AFG2A: variants seen among roughly 807,000 people sequenced by gnomAD.
AFG2A encodes AAA ATPase AFG2A, also known as ATPase family gene 2 protein homolog A.
the AFG2A span, among the ~76,000 whole-genome samples, chr4:123,022,372 A>G: frequency 6.6e-6 from 1 of 151,944 alleles, no homozygotes; most frequent in African/African-American, 2.4e-5. Context: ...AAAGTGGGCA[A>G]AGGATATGAA....
At chr4:123,086,687 GT>G in the AFG2A span, among the ~76,000 whole-genome samples, 4 of 149,718 alleles carry the variant, frequency 2.7e-5, no homozygotes, top group African/African-American at 7.3e-5. Flanking sequence ...GTTCTGTGTG[GT>G]TTTATTATTT....
At chr4:123,123,951 C>CAAAAA in the AFG2A span, among the ~76,000 whole-genome samples, 16 of 35,766 alleles carry the variant, frequency 4.5e-4, no homozygotes, top group African/African-American at 9.0e-4. Context: ...AACTCCGTCT[C>CAAAAA]AAAAAAAAAA....
chr4:122,962,797 T>C, the AFG2A span, among the ~76,000 whole-genome samples: 23 of 152,210 alleles, frequency 1.5e-4, no homozygotes, highest in Admixed American at 3.3e-4. Flanking sequence ...TTCATACTTA[T>C]TCAGAATTTG....
the AFG2A span, among the ~76,000 whole-genome samples, chr4:123,129,269 TA>T: frequency 6.6e-6 from 1 of 152,192 alleles, no homozygotes; most frequent in Non-Finnish European, 1.5e-5. Flanking sequence ...TGGTAAAAAG[TA>T]TCTCACTGTC....
chr4:123,289,947 A>C, the AFG2A span, among the ~76,000 whole-genome samples: 1 of 151,984 alleles, frequency 6.6e-6, no homozygotes, highest in African/African-American at 2.4e-5. Context: ...TGCTGCACCT[A>C]CCAACCCATC....
At chr4:123,182,856 TG>T in the AFG2A span, among the ~76,000 whole-genome samples, 1 of 152,186 alleles carries the variant, frequency 6.6e-6, no homozygotes, top group African/African-American at 2.4e-5. Context: ...GCTCATCTGT[TG>T]GGGAGAAGGA....
At chr4:123,309,971 T>C in the AFG2A span, among the ~76,000 whole-genome samples, 2 of 152,190 alleles carry the variant, frequency 1.3e-5, no homozygotes, top group South Asian at 2.1e-4. Flanking sequence ...TTGGGAGATA[T>C]TATATCATAT....
the AFG2A span, among the ~76,000 whole-genome samples, chr4:122,994,953 C>T: frequency 6.6e-6 from 1 of 152,086 alleles, no homozygotes; most frequent in South Asian, 2.1e-4. Flanking sequence ...TATATTTTCA[C>T]CTGGCACCTT....
At chr4:123,007,375 C>G in the AFG2A span, among the ~76,000 whole-genome samples, 1 of 151,540 alleles carries the variant, frequency 6.6e-6, no homozygotes, top group Non-Finnish European at 1.5e-5. Context: ...AGGTGCTTTT[C>G]TTTGGTCTTG....
chr4:123,247,538 G>A, the AFG2A span, among the ~76,000 whole-genome samples: 7 of 152,000 alleles, frequency 4.6e-5, no homozygotes, highest in African/African-American at 1.7e-4. Flanking sequence ...TCCCACCTCA[G>A]CTGGGACTAC....
chr4:122,979,844 G>A, the AFG2A span, among the ~76,000 whole-genome samples: 2 of 152,182 alleles, frequency 1.3e-5, no homozygotes, highest in Non-Finnish European at 1.5e-5. Flanking sequence ...GCTGCAGTGA[G>A]CCATGGTTAT....
At chr4:122,984,450 A>G in the AFG2A span, among the ~76,000 whole-genome samples, 2 of 151,918 alleles carry the variant, frequency 1.3e-5, no homozygotes, top group Non-Finnish European at 2.9e-5. Context: ...ATTTCTTTCT[A>G]TTGTCTGATT....
the AFG2A span, among the ~76,000 whole-genome samples, chr4:123,107,334 G>A: frequency 0.15 from 22,199 of 152,216 alleles, 2,078 homozygotes; most frequent in East Asian, 0.45. Context: ...GGTGAGCAAG[G>A]TGGAAAGGAC....
the AFG2A span, among the ~76,000 whole-genome samples, chr4:123,055,054 C>T: frequency 3.3e-5 from 5 of 152,284 alleles, no homozygotes; most frequent in African/African-American, 1.2e-4. Flanking sequence ...AAAATCTGAA[C>T]CCCTGCCTCC....
the AFG2A span, among the ~76,000 whole-genome samples, chr4:123,148,620 C>G: frequency 1.3e-5 from 2 of 152,144 alleles, no homozygotes; most frequent in African/African-American, 4.8e-5. Flanking sequence ...ACTGATACCA[C>G]CACCAGAGCC....
chr4:123,155,248 C>A, the AFG2A span, among the ~76,000 whole-genome samples: 1 of 152,028 alleles, frequency 6.6e-6, no homozygotes, highest in Admixed American at 6.6e-5. Context: ...CCAGACCTGG[C>A]TAAGTTTTAT....
chr4:123,002,558 T>C, the AFG2A span, among the ~76,000 whole-genome samples: 1 of 152,158 alleles, frequency 6.6e-6, no homozygotes, highest in Non-Finnish European at 1.5e-5. Context: ...TCTCCTTCAC[T>C]TATGAAGCTT....
the AFG2A span, among the ~76,000 whole-genome samples, chr4:123,006,091 A>G: frequency 1.1e-4 from 15 of 132,008 alleles, no homozygotes; most frequent in Non-Finnish European, 1.8e-4. Flanking sequence ...TGTCCTGGTC[A>G]TGAACTTCTT....
the AFG2A span, among the ~76,000 whole-genome samples, chr4:123,191,053 C>A: frequency 6.6e-6 from 1 of 152,088 alleles, no homozygotes; most frequent in African/African-American, 2.4e-5. Flanking sequence ...TCATGGACTG[C>A]TAACTTCTGT....
Sources: allele counts gnomAD v4.1 joint callset (sites outside exome capture counted in the v4.1 genomes callset), GRCh38; gene constraint gnomAD v4.1.1; transcripts MANE v1.5; gene names NCBI Gene and HGNC (gene_info 2026-07-23, HGNC 2026-07-21).